RANBP2: variants seen among roughly 807,000 people sequenced by gnomAD.
RANBP2 encodes the protein RAN binding protein 2.
A neutral mutation model predicts 303.6 loss-of-function variants in RANBP2; 57 were observed. The ratio of observed to expected loss-of-function variants is 0.19; its 90% CI spans 0.15 to 0.23. The LOEUF (loss-of-function observed/expected upper bound fraction) is 0.23. RANBP2 is among the 10% of genes least tolerant of loss of function. RANBP2 has a pLI of 1.00. For synonymous variants in RANBP2, 1,167 were observed against 1,301.5 expected (o/e 0.90, Z 2.23); for missense variants, 3,138 against 3,780.8 (o/e 0.83, Z 4.46).
At chr2:108,802,442 G>T in the RANBP2 span, among the ~76,000 whole-genome samples, 2 of 142,488 alleles carry the variant, frequency 1.4e-5, no homozygotes, top group Admixed American at 7.0e-5. Flanking sequence ...TCTGTTGTTG[G>T]TGTATAAGAA....
At chr2:109,150,297 G>GAGGGGA in the RANBP2 span, among the ~76,000 whole-genome samples, 3 of 152,104 alleles carry the variant, frequency 2.0e-5, no homozygotes, top group Admixed American at 2.0e-4. Context: ...CAAATGAAAG[G>GAGGGGA]AGGGGAAGGG....
At chr2:109,033,312 G>C in the RANBP2 span, among the ~76,000 whole-genome samples, 2 of 152,158 alleles carry the variant, frequency 1.3e-5, 1 homozygote, top group African/African-American at 4.8e-5. Context: ...GTGAATGCAC[G>C]GGCCCAGTCC....
chr2:108,979,502 C>T, the RANBP2 span, among the ~76,000 whole-genome samples: 1 of 150,134 alleles, frequency 6.7e-6, no homozygotes, highest in Admixed American at 6.6e-5. Flanking sequence ...CACACACACG[C>T]ATGGCACACC....
the RANBP2 span, among the ~76,000 whole-genome samples, chr2:109,676,859 T>G: frequency 6.6e-6 from 1 of 152,178 alleles, no homozygotes; most frequent in African/African-American, 2.4e-5. Flanking sequence ...TTGGCGTCTG[T>G]CTATCCATCT....
the RANBP2 span, among the ~76,000 whole-genome samples, chr2:109,088,268 G>A: frequency 1.3e-4 from 20 of 151,638 alleles, no homozygotes; most frequent in South Asian, 6.3e-4. Flanking sequence ...ATGGTGGCGC[G>A]CGCCTGTAGT....
intron 1 of RANBP2, among the ~76,000 whole-genome samples, chr2:108,726,048 T>G (rs912536811): frequency 1.3e-5 from 2 of 152,180 alleles, no homozygotes; most frequent in Non-Finnish European, 2.9e-5. Flanking sequence ...TTATCCACAG[T>G]ATTGCCTTAC....
the RANBP2 span, among the ~76,000 whole-genome samples, chr2:108,840,921 C>G: frequency 6.6e-6 from 1 of 152,120 alleles, no homozygotes; most frequent in Admixed American, 6.5e-5. Context: ...AAGTGATTCT[C>G]CTGCATCAGC....
chr2:109,449,318 G>C, the RANBP2 span: 5 of 1,606,892 alleles, frequency 3.1e-6, no homozygotes, highest in Admixed American at 6.7e-5. Context: ...CCCCGGTGCA[G>C]ATGTGCCCAC....
chr2:108,811,245 CTCTTTT>C, the RANBP2 span, among the ~76,000 whole-genome samples: 1 of 109,628 alleles, frequency 9.1e-6, no homozygotes, highest in Non-Finnish European at 1.7e-5. Context: ...CTTTCTCTCT[CTCTTTT>C]TTTTTTTTTT....
the RANBP2 span, among the ~76,000 whole-genome samples, chr2:109,190,478 T>A: frequency 6.6e-6 from 1 of 152,244 alleles, no homozygotes; most frequent in Non-Finnish European, 1.5e-5. Flanking sequence ...CTGGTCGACA[T>A]CCTATTTTTA....
At chr2:109,370,148 C>T in the RANBP2 span, among the ~76,000 whole-genome samples, 1 of 152,048 alleles carries the variant, frequency 6.6e-6, no homozygotes, top group Non-Finnish European at 1.5e-5. Context: ...CGCCAAAGGC[C>T]CCTTGGAGTG....
the RANBP2 span, among the ~76,000 whole-genome samples, chr2:109,643,297 G>A: frequency 4.6e-5 from 7 of 152,150 alleles, no homozygotes; most frequent in African/African-American, 1.7e-4. Flanking sequence ...TGTCAGAGGC[G>A]TTTGAACCAG....
the RANBP2 span, among the ~76,000 whole-genome samples, chr2:109,558,304 A>G: frequency 6.6e-6 from 1 of 152,198 alleles, no homozygotes; most frequent in African/African-American, 2.4e-5. Flanking sequence ...CTGAAGAACT[A>G]TTTAGTTCTT....
At position 108,764,298 on chromosome 2, in the gene RANBP2, A is replaced by G; in HGVS notation, c.3759A>G (p.Lys1253=). ...CANHYISPDM[K]LTPNAGSDRS... Reference sequence around the variant, plus strand: ...ATCATTACATCAGTCCAGATATGAAATTGACACCAAATGCTGGATCAGACA... The same window carrying G: ...ATCATTACATCAGTCCAGATATGAAGTTGACACCAAATGCTGGATCAGACA... The change falls in exon 20 of 29, where the codon AAA becomes AAG. Residue 1253 remains lysine, a synonymous_variant. Transcript: ENST00000283195. 1 of 1,613,874 alleles carries G rather than the reference A, an allele frequency of 6.2e-7. No individual in the cohort carries two copies. The highest frequency in any genetic ancestry group is 1.3e-5 in the African/African-American group (1 of 75,052).
the RANBP2 span, chr2:108,931,015 C>T: frequency 3.7e-6 from 6 of 1,613,946 alleles, no homozygotes; most frequent in Admixed American, 1.7e-5. Flanking sequence ...CATGGGCCAT[C>T]CTCTCCCAAG....
chr2:109,317,933 A>T, the RANBP2 span, among the ~76,000 whole-genome samples: 1 of 151,978 alleles, frequency 6.6e-6, no homozygotes. Context: ...CGCTGAGGGG[A>T]CTCGCACAAC....
chr2:109,215,138 A>G, the RANBP2 span, among the ~76,000 whole-genome samples: 3 of 152,178 alleles, frequency 2.0e-5, no homozygotes, highest in South Asian at 2.1e-4. Flanking sequence ...TTAAGCATCT[A>G]CGTGTCTTTC....
chr2:109,557,767 TAG>T, the RANBP2 span, among the ~76,000 whole-genome samples: 1 of 152,180 alleles, frequency 6.6e-6, no homozygotes, highest in Non-Finnish European at 1.5e-5. Context: ...TTTCTTATCA[TAG>T]ATTTATTAAA....
At chr2:109,461,655 C>T in the RANBP2 span, among the ~76,000 whole-genome samples, 1 of 139,888 alleles carries the variant, frequency 7.1e-6, no homozygotes, top group East Asian at 2.2e-4. Context: ...ACGTAGCATC[C>T]CTGTCTGTCC....
Sources: allele counts gnomAD v4.1 joint callset (sites outside exome capture counted in the v4.1 genomes callset), GRCh38; gene constraint gnomAD v4.1.1; transcripts MANE v1.5; gene names NCBI Gene and HGNC (gene_info 2026-07-23, HGNC 2026-07-21).